Variants in KAT7 observed in about 807,000 individuals in gnomAD.
KAT7 encodes histone acetyltransferase KAT7.
KAT7 carries 10 observed loss-of-function variants against 82.1 expected under a neutral mutation model. The ratio of observed to expected loss-of-function variants is 0.12; its 90% CI spans 0.08 to 0.21. KAT7 has a LOEUF of 0.21. Ranked by LOEUF, KAT7 falls within the 10% of genes least tolerant of loss-of-function variation. The pLI is 1.00. For synonymous variants in KAT7, 250 were observed against 262.5 expected (o/e 0.95, Z 0.46); for missense variants, 378 against 760.9 (o/e 0.50, Z 5.92).
At chr17:49,791,504 A>G (rs1010163904) in intron 1 of KAT7, among the ~76,000 whole-genome samples, 3 of 152,160 alleles carry the variant, frequency 2.0e-5, no homozygotes, top group African/African-American at 7.2e-5. Flanking sequence ...CTAAAAATAC[A>G]AAAATTAGCT....
chr17:49,810,662 C>A (rs938781878), intron 6 of KAT7, among the ~76,000 whole-genome samples: 2 of 152,126 alleles, frequency 1.3e-5, no homozygotes, highest in African/African-American at 4.8e-5. Flanking sequence ...AAACAGTAAG[C>A]ATTCTATAAA....
intron 4 of KAT7, among the ~76,000 whole-genome samples, chr17:49,801,608 G>A (rs1462625712): frequency 6.6e-6 from 1 of 151,974 alleles, no homozygotes; most frequent in African/African-American, 2.4e-5. Flanking sequence ...TCCAACCTCA[G>A]CCTCCCAAGT....
At position 49,826,801 on chromosome 17, in the gene KAT7, T is replaced by TA. The variant is rs1370248131; in HGVS notation, c.1734+4dup. The TA allele has an allele frequency of 1.3e-6, 2 of 1,589,340 alleles. No individual in the cohort carries two copies. Among genetic ancestry groups the TA allele is most frequent in the Admixed American group, 1.7e-5 (1 of 59,942 alleles). On this transcript the variant is annotated splice_region_variant and intron_variant, in intron 14 of 14. Coordinates refer to ENST00000259021, the MANE Select transcript of KAT7 (RefSeq NM_007067.5). ...AAACACCTAGTTTTAAAGAGACAGG[T>TA]AAGGTTCTCATCAGGGGCTTGCTCA...
chr17:49,831,365 G>A lies in KAT7; in HGVS notation c.*3863G>A, dbSNP rs1349960194. ...AGAGCTAAACCAGGAAGCAAAAGAT[G>A]TGCCTCATTCTGGCATTGTTTCTGA... is the stretch of plus-strand genomic sequence containing the variant. On this transcript the variant is annotated 3_prime_UTR_variant, in exon 15 of 15. Transcript: ENST00000259021. 1.3e-5 allele frequency: 2 copies of A among 152,236 alleles called. No individual in the cohort carries two copies. The highest frequency in any genetic ancestry group is 6.5e-5 in the Admixed American group (1 of 15,284). 9.4% of individuals were successfully genotyped at this position (152,236 alleles called of 1,614,324 possible).
rs1467676335 is a variant in KAT7 at position 49,801,699 on chromosome 17, A to G, written c.580+3141A>G. ...GAGACAGGGTTTCACCATGTTGCCC[A>G]GGCTGGTCTTGAACTCCTGGGCTCA... On this transcript the variant is annotated intron_variant, in intron 4 of 14. Transcript: ENST00000259021. Among the ~76,000 whole-genome samples, 4 of 152,332 alleles carry G rather than the reference A, an allele frequency of 2.6e-5. No homozygotes were observed. The East Asian group carries it at 7.7e-4, about 29-fold the overall frequency.
intron 12 of KAT7, 62 bp from the exon 13 acceptor site, chr17:49,825,938 T>C (rs1321651158): frequency 2.6e-6 from 4 of 1,531,488 alleles, no homozygotes; most frequent in African/African-American, 2.8e-5. Flanking sequence ...TGGCACACAG[T>C]TTTTTGCTAT....
Position 49,832,799 on chromosome 17 carries a change from T to C in KAT7, c.*5297T>C, listed in dbSNP as rs755780353. On this transcript the variant is annotated 3_prime_UTR_variant, in exon 15 of 15. Transcript: ENST00000259021. ...TGTTGAATGTCATGAGAATAAAATA[T>C]GAAAACTACTTTGCTGAATGATAGT... 4 of 152,242 alleles carry C rather than the reference T, an allele frequency of 2.6e-5. No homozygotes were observed. The highest frequency in any genetic ancestry group is 4.4e-5 in the Non-Finnish European group (3 of 68,056). The allele number at this position is 152,242 out of a possible 1,614,324, so 9.4% of individuals were successfully genotyped here.
In KAT7 at chr17:49,832,483, A is replaced by G. The variant is rs919727233; in HGVS notation, c.*4981A>G. On this transcript the variant is annotated 3_prime_UTR_variant, in exon 15 of 15. Transcript: ENST00000259021. The stretch of plus-strand genomic sequence containing the variant: ...TTAAAGCACTGGATTTTTAAAAATC[A>G]CCCTTGTAAATATGCACACATTTGT... 1.3e-5 allele frequency: 2 copies of G among 152,176 alleles called. No homozygotes were observed. The highest frequency in any genetic ancestry group is 2.9e-5 in the Non-Finnish European group (2 of 68,046). The allele number at this position is 152,176 out of a possible 1,614,324, so 9.4% of individuals were successfully genotyped here.
In KAT7 at chr17:49,826,689, T is replaced by C; in HGVS notation, c.1628-4T>C. The C allele has an allele frequency of 6.2e-7, 1 of 1,607,744 alleles. No individual in the cohort carries two copies. Among genetic ancestry groups the C allele is most frequent in the Non-Finnish European group, 8.5e-7 (1 of 1,176,162 alleles). ...CCAGGTTGTCAGTACTTCTTCTGTT[T>C]CAGAAATCAGTCAGGAGACGGCTGT... On this transcript the variant is annotated splice_polypyrimidine_tract_variant and splice_region_variant and intron_variant, in intron 13 of 14. Transcript: ENST00000259021.
intron 2 of KAT7, 91 bp from the exon 3 acceptor site, chr17:49,796,659 G>C (rs2073960116): frequency 2.1e-6 from 2 of 938,768 alleles, no homozygotes; most frequent in Non-Finnish European, 3.2e-6. Context: ...ATATGAAGAG[G>C]AGGAGGAGCG....
At chr17:49,824,110 G>A (rs1029945110) in intron 12 of KAT7, among the ~76,000 whole-genome samples, 11 of 152,200 alleles carry the variant, frequency 7.2e-5, no homozygotes, top group African/African-American at 2.4e-4. Flanking sequence ...CATAAAATAA[G>A]TTTATGTATT....
intron 2 of KAT7, among the ~76,000 whole-genome samples, chr17:49,793,630 G>A (rs1406636366): frequency 6.7e-6 from 1 of 148,450 alleles, no homozygotes; most frequent in Non-Finnish European, 1.5e-5. Flanking sequence ...GCGGAGTGCA[G>A]TGGCATGATC....
chr17:49,796,704 C>G (rs928783588), intron 2 of KAT7, 46 bp from the exon 3 acceptor site: 1 of 1,460,076 alleles, frequency 6.8e-7, no homozygotes, highest in African/African-American at 1.4e-5. Flanking sequence ...GGAAGTAAAA[C>G]AGATTTCCAT....
At position 49,830,245 on chromosome 17, in the gene KAT7, A is replaced by G. The variant is rs2074414366; in HGVS notation, c.*2743A>G. ...GTCTCACTCTATCATCCAGTCCGGA[A>G]TGCAGTGGCATGATCTCAGCTCACT... On this transcript the variant is annotated 3_prime_UTR_variant, in exon 15 of 15. Coordinates refer to ENST00000259021, the MANE Select transcript of KAT7 (RefSeq NM_007067.5). The G allele has an allele frequency of 2.2e-5, 3 of 136,014 alleles. No individual in the cohort carries two copies. Among genetic ancestry groups the G allele is most frequent in the Admixed American group, 8.2e-5 (1 of 12,222 alleles). The allele number at this position is 136,014 out of a possible 1,614,324, so 8.4% of individuals were successfully genotyped here.
intron 4 of KAT7, among the ~76,000 whole-genome samples, chr17:49,803,193 C>G (rs2074046918): frequency 6.6e-6 from 1 of 151,884 alleles, no homozygotes; most frequent in Admixed American, 6.6e-5. Flanking sequence ...ACTATAGCCT[C>G]TGCCTCCCAG....
chr17:49,798,070 A>G (rs1017580612), intron 3 of KAT7, among the ~76,000 whole-genome samples: 4 of 152,228 alleles, frequency 2.6e-5, no homozygotes, highest in African/African-American at 4.8e-5. Flanking sequence ...ATGATTAGCA[A>G]CTCAGGAGAA....
At chr17:49,818,414 T>G (rs1431645685) in intron 9 of KAT7, among the ~76,000 whole-genome samples, 1 of 152,208 alleles carries the variant, frequency 6.6e-6, no homozygotes, top group African/African-American at 2.4e-5. Flanking sequence ...GCAACTAGTG[T>G]GGACAACTGA....
chr17:49,808,826 A>G lies in KAT7; in HGVS notation c.664-293A>G, dbSNP rs946482186. ...GCACTTCCTCATGCTTTTTTAATTT[A>G]TTTATTGTACTTTGAGAAGAGTCCA... On this transcript the variant is annotated intron_variant, in intron 5 of 14. Coordinates refer to ENST00000259021, the MANE Select transcript of KAT7 (RefSeq NM_007067.5). 2.0e-5 allele frequency among the ~76,000 whole-genome samples: 3 copies of G among 151,996 alleles called. No homozygotes were observed. The South Asian group carries it at 6.2e-4, about 31-fold the overall frequency.
At chr17:49,821,004 G>C (rs530960022) in intron 9 of KAT7, among the ~76,000 whole-genome samples, 2 of 152,202 alleles carry the variant, frequency 1.3e-5, no homozygotes, top group Admixed American at 1.3e-4. Context: ...AGAATTTCCT[G>C]TTGGCTTGAG....
Sources: allele counts gnomAD v4.1 joint callset (sites outside exome capture counted in the v4.1 genomes callset), GRCh38; gene constraint gnomAD v4.1.1; transcripts MANE v1.5; gene names NCBI Gene and HGNC (gene_info 2026-07-23, HGNC 2026-07-21).